COL19A1: variants seen among roughly 807,000 people sequenced by gnomAD.
COL19A1 encodes collagen type XIX alpha 1 chain, also known as collagen alpha-1(XIX) chain.
COL19A1 carries 159 observed loss-of-function variants against 190.2 expected under a neutral mutation model. That is an observed-to-expected ratio of 0.84 (90% CI 0.73 to 0.95). The LOEUF (loss-of-function observed/expected upper bound fraction) is 0.95. Among genes scored for constraint, COL19A1 ranks in the 40% least tolerant of loss-of-function variants. COL19A1 has a pLI of 0.00. For missense variants in COL19A1, 1,418 were observed against 1,431.9 expected (o/e 0.99, Z 0.16); for synonymous variants, 509 against 458.9 (o/e 1.11, Z -1.39).
chr6:70,120,071 A>G (rs567002930), intron 16 of COL19A1, among the ~76,000 whole-genome samples: 2 of 152,338 alleles, frequency 1.3e-5, no homozygotes, highest in African/African-American at 4.8e-5. Flanking sequence ...AGCCTGGGTG[A>G]CAGAGTGAGA....
intron 9 of COL19A1, among the ~76,000 whole-genome samples, chr6:69,948,465 A>T (rs1773947713): frequency 6.6e-6 from 1 of 151,856 alleles, no homozygotes; most frequent in Admixed American, 6.6e-5. Flanking sequence ...GTTGTGGAAC[A>T]GGTTCTCAAC....
chr6:69,951,449 T>A lies in COL19A1; in HGVS notation c.937-8547T>A, dbSNP rs182448025. Among the ~76,000 whole-genome samples the A allele has an allele frequency of 6.2e-4, 95 of 152,060 alleles. 1 individual carries two copies. In the East Asian group the frequency reaches 0.011, roughly 18 times the overall value. ...ACTGTGGGACCAGATTAGAACTTATTTGAAGGAATGTATACACTTCATCTT... is the reference window on the plus strand; with the variant it reads ...ACTGTGGGACCAGATTAGAACTTATATGAAGGAATGTATACACTTCATCTT... On this transcript the variant is annotated intron_variant, in intron 9 of 50. Transcript: ENST00000620364.
intron 2 of COL19A1, among the ~76,000 whole-genome samples, chr6:69,887,759 G>A (rs1056443839): frequency 6.6e-6 from 1 of 152,138 alleles, no homozygotes; most frequent in Admixed American, 6.6e-5. Flanking sequence ...GGGTTTTATT[G>A]GGTGAAAAGG....
rs543530732 is a variant in COL19A1, at chr6:69,998,569, C to G, written c.1027-25058C>G. ...GCTGCAGCAGGAGAATTGCATGAACCGGGAAGTGGACGTTGCAGTAAGCCG... is the reference window on the plus strand; with the variant it reads ...GCTGCAGCAGGAGAATTGCATGAACGGGGAAGTGGACGTTGCAGTAAGCCG... On this transcript the variant is annotated intron_variant, in intron 11 of 50. Transcript: ENST00000620364. Among the ~76,000 whole-genome samples, 4 of 147,044 alleles carry G rather than the reference C, an allele frequency of 2.7e-5. No homozygotes were observed. In the Admixed American group the frequency reaches 2.8e-4, roughly 10 times the overall value.
intron 4 of COL19A1, among the ~76,000 whole-genome samples, chr6:69,923,962 C>G (rs765059969): frequency 6.6e-6 from 1 of 152,120 alleles, no homozygotes; most frequent in Non-Finnish European, 1.5e-5. Flanking sequence ...AAACACTTTA[C>G]AGAATTTGTC....
At chr6:69,897,150 G>C (rs544649041) in intron 2 of COL19A1, among the ~76,000 whole-genome samples, 1 of 152,142 alleles carries the variant, frequency 6.6e-6, no homozygotes, top group African/African-American at 2.4e-5. Context: ...GTTAGTTTTT[G>C]TGCATGGTGT....
At chr6:70,031,923 GA>G (rs1459608570) in intron 12 of COL19A1, among the ~76,000 whole-genome samples, 1 of 151,972 alleles carries the variant, frequency 6.6e-6, no homozygotes, top group East Asian at 1.9e-4. Context: ...CCTAGTTAAA[GA>G]AAAAAATCGT....
intron 14 of COL19A1, among the ~76,000 whole-genome samples, chr6:70,048,314 A>G (rs1780016219): frequency 2.0e-5 from 3 of 152,134 alleles, no homozygotes; most frequent in African/African-American, 7.2e-5. Context: ...AATTTTTGAA[A>G]TAATTATTTT....
At chr6:70,197,972 C>T (rs569329805) in intron 48 of COL19A1, among the ~76,000 whole-genome samples, 18 of 152,210 alleles carry the variant, frequency 1.2e-4, no homozygotes, top group Non-Finnish European at 2.6e-4. Context: ...TATGGGCCTA[C>T]ATTGTTTTTA....
chr6:70,129,679 C>G (rs764000744), intron 17 of COL19A1, among the ~76,000 whole-genome samples: 6 of 152,190 alleles, frequency 3.9e-5, no homozygotes, highest in African/African-American at 1.2e-4. Context: ...ACTGAGACAC[C>G]ATTCTCCACA....
At chr6:70,027,683 A>G (rs1170849228) in intron 12 of COL19A1, among the ~76,000 whole-genome samples, 5 of 149,854 alleles carry the variant, frequency 3.3e-5, no homozygotes, top group African/African-American at 1.0e-4. Context: ...CATACAAAAC[A>G]TATATTAAAA....
chr6:70,206,681 G>C (rs1442871822), intron 49 of COL19A1, among the ~76,000 whole-genome samples: 1 of 148,920 alleles, frequency 6.7e-6, no homozygotes, highest in East Asian at 2.0e-4. Flanking sequence ...ACTTTTTATA[G>C]TAATTGCATG....
At chr6:69,964,558 G>T (rs1423735899) in intron 11 of COL19A1, among the ~76,000 whole-genome samples, 1 of 152,084 alleles carries the variant, frequency 6.6e-6, no homozygotes, top group Non-Finnish European at 1.5e-5. Flanking sequence ...AGCTGGTATA[G>T]CTCAATAATA....
intron 31 of COL19A1, 41 bp from the exon 32 acceptor site, chr6:70,156,086 T>A (rs933543429): frequency 1.3e-6 from 2 of 1,581,802 alleles, no homozygotes; most frequent in African/African-American, 2.7e-5. Flanking sequence ...TATAGACGGC[T>A]TTTATGACTC....
intron 44 of COL19A1, among the ~76,000 whole-genome samples, chr6:70,182,632 G>T (rs2150288096): frequency 6.6e-6 from 1 of 152,308 alleles, no homozygotes; most frequent in African/African-American, 2.4e-5. Context: ...GGCAAGTGAG[G>T]TTTCCTTGAT....
intron 2 of COL19A1, among the ~76,000 whole-genome samples, chr6:69,886,626 T>G (rs2000102): frequency 0.15 from 22,193 of 149,626 alleles, 1,748 homozygotes; most frequent in East Asian, 0.24. Context: ...CGTTTTTTTT[T>G]TTTGTGTGGT....
chr6:70,102,482 T>C (rs1176830830), intron 16 of COL19A1, among the ~76,000 whole-genome samples: 1 of 152,194 alleles, frequency 6.6e-6, no homozygotes, highest in Non-Finnish European at 1.5e-5. Flanking sequence ...GCAATAACAG[T>C]AGTGTCTGCT....
intron 15 of COL19A1, 137 bp from the exon 16 acceptor site, chr6:70,102,032 A>T: frequency 1.3e-6 from 1 of 759,522 alleles, no homozygotes; most frequent in Non-Finnish European, 2.2e-6. Flanking sequence ...ATTGATATTT[A>T]AAAGTCATGT....
At chr6:70,074,498 C>CAAAAAAAAAAAA (rs368408394) in intron 15 of COL19A1, among the ~76,000 whole-genome samples, 1 of 97,196 alleles carries the variant, frequency 1.0e-5, no homozygotes, top group Admixed American at 1.2e-4. Context: ...GACTCCACCT[C>CAAAAAAAAAAAA]AAAAAAAAAA....
Sources: allele counts gnomAD v4.1 joint callset (sites outside exome capture counted in the v4.1 genomes callset), GRCh38; gene constraint gnomAD v4.1.1; transcripts MANE v1.5; gene names NCBI Gene and HGNC (gene_info 2026-07-23, HGNC 2026-07-21).